The following MXD4 variants were observed in gnomAD, a reference collection of about 807,000 sequenced individuals.
MXD4 encodes MAX dimerization protein 4.
In MXD4, 16 loss-of-function variants were observed where a neutral mutation model predicts 24.5. The observed-to-expected ratio is 0.65, with a 90% CI of 0.44 to 0.99. The LOEUF (loss-of-function observed/expected upper bound fraction) is 0.99, where lower values mean the gene tolerates loss of function less well. MXD4 is among the 50% of genes least tolerant of loss of function. MXD4 has a pLI of 0.00. For missense variants in MXD4, 301 were observed against 301.5 expected, an observed-to-expected ratio of 1.00 and a Z score of 0.01; for synonymous variants, 164 against 134.2, an observed-to-expected ratio of 1.22 and a Z score of -1.54.
At chr4:2,257,889 C>T (rs1232683265) in intron 3 of MXD4, 93 bp downstream of exon 3, 4 of 1,534,860 alleles carry the variant, frequency 2.6e-6, no homozygotes, top group African/African-American at 2.7e-5. Flanking sequence ...GCTGGCCGTG[C>T]CCGGGACAGG....
intron 2 of MXD4, among the ~76,000 whole-genome samples, chr4:2,260,161 A>C (rs950208498): frequency 6.6e-6 from 1 of 152,166 alleles, no homozygotes; most frequent in African/African-American, 2.4e-5. Flanking sequence ...GGCCCAGAGG[A>C]GCCAGGGGAG....
chr4:2,260,377 G>A (rs79682447), intron 2 of MXD4, among the ~76,000 whole-genome samples: 5,402 of 152,358 alleles, frequency 0.035, 120 homozygotes, highest in Middle Eastern at 0.051. Context: ...AGCCTGGGGT[G>A]AAGATGAACT....
At chr4:2,250,845 G>A (rs1735305157) in intron 5 of MXD4, 144 bp from the exon 6 acceptor site, 2 of 1,237,644 alleles carry the variant, frequency 1.6e-6, no homozygotes, top group Non-Finnish European at 2.2e-6. Context: ...ACGCCAGGAG[G>A]GCTCTGGCTG....
chr4:2,261,487 A>G (rs1449675730), intron 2 of MXD4, among the ~76,000 whole-genome samples: 1 of 149,592 alleles, frequency 6.7e-6, no homozygotes, highest in Non-Finnish European at 1.5e-5. Flanking sequence ...TACGCGTGGC[A>G]CTGTTTACGC....
rs2108792465 is a variant in MXD4 at position 2,261,842 on chromosome 4, G to A, written c.65-18C>T. 2 of 1,362,966 alleles carry A rather than the reference G, an allele frequency of 1.5e-6. No homozygotes were observed. Among genetic ancestry groups the A allele is most frequent in the Admixed American group, 3.7e-5 (1 of 27,070 alleles). The allele number at this position is 1,362,966 out of a possible 1,614,324, so 84.4% of individuals were successfully genotyped here. A position where few individuals can be genotyped will look rare whatever the true frequency, so the allele number is the denominator to read the frequency against. On this transcript the variant is annotated intron_variant, in intron 1 of 5. Transcript: ENST00000337190. ...CTCGGCCTCTGCGGACACACGGCGC[G>A]GTCAGCGGCCCCCGCCCGGCACGGC...
chr4:2,256,232 G>C (rs1470727185), intron 3 of MXD4, among the ~76,000 whole-genome samples: 2 of 152,214 alleles, frequency 1.3e-5, no homozygotes, highest in African/African-American at 2.4e-5. Context: ...AGCCAAGAAG[G>C]CGAGGCCTCC....
At position 2,250,388 on chromosome 4, in the gene MXD4, G is replaced by A. The variant is rs1001217012; in HGVS notation, c.*156C>T. On this transcript the variant is annotated 3_prime_UTR_variant, in exon 6 of 6. Coordinates refer to ENST00000337190, the MANE Select transcript of MXD4 (RefSeq NM_006454.3). Reference sequence around the variant, plus strand: ...GCAGGCAGCTCGGCAGGCCCTGACCGGCAAGCGGGCAGTGCCAGGCAGCCC... The same window carrying A: ...GCAGGCAGCTCGGCAGGCCCTGACCAGCAAGCGGGCAGTGCCAGGCAGCCC... 7.4e-5 allele frequency: 78 copies of A among 1,049,362 alleles called. No individual in the cohort carries two copies. Among genetic ancestry groups the A allele is most frequent in the Non-Finnish European group, 9.1e-5 (68 of 751,066 alleles). 65.0% of individuals were successfully genotyped at this position (1,049,362 alleles called of 1,614,324 possible).
chr4:2,256,209 C>T (rs1038909924), intron 3 of MXD4, among the ~76,000 whole-genome samples: 8 of 152,210 alleles, frequency 5.3e-5, no homozygotes, highest in Non-Finnish European at 1.0e-4. Context: ...GGAGTGGGGC[C>T]AGTGAGGTCA....
In MXD4 at chr4:2,261,723, AC is replaced by A; in HGVS notation, c.164+1del. ...GGCGGGGTCGGGAGCGGGGGGCGGTACCTGTTGTTCGGGGCCTTGCGCACCA... is the reference window on the plus strand; with the variant it reads ...GGCGGGGTCGGGAGCGGGGGGCGGTACTGTTGTTCGGGGCCTTGCGCACCA... On this transcript the variant is annotated splice_donor_variant, in intron 2 of 5. Coordinates refer to ENST00000337190, the MANE Select transcript of MXD4 (RefSeq NM_006454.3). LOFTEE classifies it high-confidence loss of function. 1 of 1,374,602 alleles carries A rather than the reference AC, an allele frequency of 7.3e-7. No individual in the cohort carries two copies. Among genetic ancestry groups the A allele is most frequent in the Non-Finnish European group, 9.5e-7 (1 of 1,054,628 alleles). The allele number at this position is 1,374,602 out of a possible 1,614,324, so 85.2% of individuals were successfully genotyped here. A position where few individuals can be genotyped will look rare whatever the true frequency, so the allele number is the denominator to read the frequency against.
intron 2 of MXD4, among the ~76,000 whole-genome samples, chr4:2,261,469 G>A (rs1238564830): frequency 1.3e-5 from 2 of 150,918 alleles, no homozygotes; most frequent in East Asian, 2.0e-4. Context: ...CCCCGGCGGC[G>A]GGCGCTGTAC....
At chr4:2,260,512 G>T (rs765095371) in intron 2 of MXD4, 1 of 455,428 alleles carries the variant, frequency 2.2e-6, no homozygotes, top group Admixed American at 2.4e-5. Flanking sequence ...GTTCTCCACG[G>T]GTCAGGGACT....
chr4:2,259,174 T>G, intron 2 of MXD4: 1 of 335,524 alleles, frequency 3.0e-6, no homozygotes, highest in South Asian at 2.1e-5. Context: ...GACCACTGCC[T>G]GCTTCAGGAA....
At position 2,250,418 on chromosome 4, in the gene MXD4, G is replaced by T; in HGVS notation, c.*126C>A. On this transcript the variant is annotated 3_prime_UTR_variant, in exon 6 of 6. Transcript: ENST00000337190. Reference sequence around the variant, plus strand: ...GCGGGCAGTGCCAGGCAGCCCAGCAGCAGCTGGAGCTTCCAGAATGGCACA... The same window carrying T: ...GCGGGCAGTGCCAGGCAGCCCAGCATCAGCTGGAGCTTCCAGAATGGCACA... The T allele has an allele frequency of 8.0e-7, 1 of 1,251,400 alleles. No individual in the cohort carries two copies. Among genetic ancestry groups the T allele is most frequent in the Non-Finnish European group, 1.1e-6 (1 of 933,260 alleles). The allele number at this position is 1,251,400 out of a possible 1,614,324, so 77.5% of individuals were successfully genotyped here. A position where few individuals can be genotyped will look rare whatever the true frequency, so the allele number is the denominator to read the frequency against.
At chr4:2,251,527 G>A (rs1185981228) in intron 4 of MXD4, among the ~76,000 whole-genome samples, 1 of 152,244 alleles carries the variant, frequency 6.6e-6, no homozygotes, top group East Asian at 1.9e-4. Context: ...AGGCAGCCTT[G>A]GCCAAGTTGA....
At chr4:2,261,243 G>A (rs1298818213) in intron 2 of MXD4, among the ~76,000 whole-genome samples, 1 of 152,218 alleles carries the variant, frequency 6.6e-6, no homozygotes, top group African/African-American at 2.4e-5. Context: ...GCGGGGGAAG[G>A]TGGCCGAGCA....
At chr4:2,252,630 T>C (rs1416569248) in intron 3 of MXD4, 108 bp from the exon 4 acceptor site, 7 of 717,836 alleles carry the variant, frequency 9.8e-6, no homozygotes, top group Non-Finnish European at 1.6e-5. Context: ...GCACATGTGC[T>C]GAGGGTCCCT....
chr4:2,251,303 T>C, intron 4 of MXD4, 57 bp from the exon 5 acceptor site: 1 of 1,474,266 alleles, frequency 6.8e-7, no homozygotes, highest in South Asian at 1.3e-5. Flanking sequence ...CCCATCCCCC[T>C]GGCCAGGCAC....
At chr4:2,255,859 G>A (rs549519678) in intron 3 of MXD4, among the ~76,000 whole-genome samples, 63 of 152,244 alleles carry the variant, frequency 4.1e-4, no homozygotes, top group African/African-American at 1.4e-3. Flanking sequence ...ATGGCTCCAC[G>A]CCAGCATCCC....
At chr4:2,261,378 G>C (rs942906723) in intron 2 of MXD4, among the ~76,000 whole-genome samples, 3 of 152,202 alleles carry the variant, frequency 2.0e-5, no homozygotes, top group Non-Finnish European at 2.9e-5. Context: ...ACGGGGCACC[G>C]GCCAGCGCCC....
Sources: gnomAD v4.1 joint callset for allele counts (sites outside exome capture counted in the v4.1 genomes callset) on GRCh38, gnomAD v4.1.1 for gene constraint, MANE v1.5 for transcripts, NCBI Gene and HGNC (gene_info 2026-07-23, HGNC 2026-07-21) for gene names.